AFF3: variants seen among roughly 807,000 people sequenced by gnomAD.
AFF3 encodes the protein AF4/FMR2 family member 3.
AFF3 carries 32 observed loss-of-function variants against 129.7 expected under a neutral mutation model. That is an observed-to-expected ratio of 0.25 (90% CI 0.19 to 0.33). AFF3 has a LOEUF of 0.33. Among genes scored for constraint, AFF3 ranks in the 10% least tolerant of loss-of-function variants. The probability of loss-of-function intolerance (pLI) is 1.00; values close to 1 mark genes in which losing one functional copy is unlikely to be tolerated. For synonymous variants in AFF3, 644 were observed against 635.4 expected, an observed-to-expected ratio of 1.01 and a Z score of -0.20; for missense variants, 1,373 against 1,592.0, an observed-to-expected ratio of 0.86 and a Z score of 2.34.
chr2:99,741,739 CA>C (rs1558805480), intron 10 of AFF3, among the ~76,000 whole-genome samples: 1 of 151,752 alleles, frequency 6.6e-6, no homozygotes, highest in South Asian at 2.1e-4. Flanking sequence ...CATATGGAAC[CA>C]AAAAAGAGCC....
At chr2:99,723,204 T>C (rs1679063616) in intron 11 of AFF3, among the ~76,000 whole-genome samples, 1 of 152,202 alleles carries the variant, frequency 6.6e-6, no homozygotes, top group Non-Finnish European at 1.5e-5. Context: ...TTGCCCTGAA[T>C]GCTCATAGGA....
intron 8 of AFF3, among the ~76,000 whole-genome samples, chr2:99,816,577 A>G (rs1469756606): frequency 2.0e-5 from 3 of 152,130 alleles, no homozygotes; most frequent in African/African-American, 7.2e-5. Flanking sequence ...CTGCTTGGCT[A>G]TGAGTGTCCC....
In AFF3 at chr2:99,550,951, A is replaced by C; in HGVS notation, c.*523T>G. 2 of 325,668 alleles carry C rather than the reference A, an allele frequency of 6.1e-6. No homozygotes were observed. The highest frequency in any genetic ancestry group is 1.1e-5 in the Non-Finnish European group (2 of 179,948). The allele number at this position is 325,668 out of a possible 1,614,324, so 20.2% of individuals were successfully genotyped here. A position where few individuals can be genotyped will look rare whatever the true frequency, so the allele number is the denominator to read the frequency against. On this transcript the variant is annotated 3_prime_UTR_variant, in exon 25 of 25. Transcript: ENST00000672756. The stretch of plus-strand genomic sequence containing the variant: ...CCCATTAATACATACCAATCAAAAA[A>C]TAATTGGGGAATAGTATATTAATAC...
intron 7 of AFF3, among the ~76,000 whole-genome samples, chr2:99,955,455 C>T (rs1319012476): frequency 1.3e-5 from 2 of 152,110 alleles, no homozygotes; most frequent in Non-Finnish European, 2.9e-5. Context: ...GATTGTTTAA[C>T]ATCTTAACAA....
chr2:99,631,847 A>C (rs766703664), intron 13 of AFF3, among the ~76,000 whole-genome samples: 2 of 152,086 alleles, frequency 1.3e-5, no homozygotes, highest in Non-Finnish European at 2.9e-5. Flanking sequence ...CTCTGCTTTC[A>C]ATTCTTTTGG....
intron 7 of AFF3, among the ~76,000 whole-genome samples, chr2:99,851,972 T>G (rs1167846465): frequency 6.6e-6 from 1 of 152,154 alleles, no homozygotes; most frequent in Non-Finnish European, 1.5e-5. Context: ...AGACCTTTAA[T>G]GCAGGTCACG....
chr2:99,975,396 T>A (rs1408878744), intron 7 of AFF3, among the ~76,000 whole-genome samples: 1 of 152,226 alleles, frequency 6.6e-6, no homozygotes, highest in Non-Finnish European at 1.5e-5. Context: ...TACCTGCTTA[T>A]GAAATACTAA....
chr2:99,944,148 G>A (rs965443472), intron 7 of AFF3, among the ~76,000 whole-genome samples: 7 of 152,132 alleles, frequency 4.6e-5, no homozygotes, highest in Middle Eastern at 3.4e-3. Context: ...CCATCCTCCC[G>A]CCTCCGCTTC....
chr2:99,938,396 C>CA, intron 7 of AFF3, among the ~76,000 whole-genome samples: 1 of 152,104 alleles, frequency 6.6e-6, no homozygotes, highest in Admixed American at 6.5e-5. Context: ...TGAGTTAATA[C>CA]ATGTCAGGTG....
At chr2:99,690,219 C>G (rs919238664) in intron 11 of AFF3, among the ~76,000 whole-genome samples, 1 of 145,786 alleles carries the variant, frequency 6.9e-6, no homozygotes, top group African/African-American at 2.5e-5. Context: ...CTCGCTCTGT[C>G]GCCCAGGCTG....
chr2:99,683,400 T>C (rs1172040051), intron 11 of AFF3, among the ~76,000 whole-genome samples: 2 of 152,220 alleles, frequency 1.3e-5, no homozygotes, highest in Non-Finnish European at 2.9e-5. Context: ...ACCCATTCCA[T>C]CTCGTGACAA....
At chr2:100,129,515 G>A (rs1422409250) in intron 1 of AFF3, among the ~76,000 whole-genome samples, 1 of 151,942 alleles carries the variant, frequency 6.6e-6, no homozygotes, top group Non-Finnish European at 1.5e-5. Flanking sequence ...AGGGGCCTGT[G>A]TTACATGCAT....
At chr2:99,767,739 C>T (rs1156569302) in intron 8 of AFF3, among the ~76,000 whole-genome samples, 4 of 152,176 alleles carry the variant, frequency 2.6e-5, no homozygotes, top group African/African-American at 7.2e-5. Flanking sequence ...GGGCGGATCA[C>T]GAGGTCAGGA....
chr2:99,947,317 C>A (rs1159854220), intron 7 of AFF3, among the ~76,000 whole-genome samples: 2 of 152,024 alleles, frequency 1.3e-5, no homozygotes, highest in Admixed American at 1.3e-4. Flanking sequence ...GTCACAGACA[C>A]CTGTAATCCC....
At chr2:100,000,320 G>C (rs908123294) in intron 7 of AFF3, among the ~76,000 whole-genome samples, 1 of 151,972 alleles carries the variant, frequency 6.6e-6, no homozygotes, top group Non-Finnish European at 1.5e-5. Flanking sequence ...AAACAAATAC[G>C]CAGAAAAAGA....
At chr2:100,071,635 C>T (rs548836546) in intron 4 of AFF3, among the ~76,000 whole-genome samples, 1 of 152,270 alleles carries the variant, frequency 6.6e-6, no homozygotes, top group African/African-American at 2.4e-5. Flanking sequence ...GTATTAGTGT[C>T]TTCTTTTAAA....
chr2:99,930,914 A>G (rs1696628815), intron 7 of AFF3, among the ~76,000 whole-genome samples: 1 of 152,234 alleles, frequency 6.6e-6, no homozygotes, highest in African/African-American at 2.4e-5. Context: ...AGTCACACTT[A>G]CAATGGCTCT....
chr2:99,821,378 A>G (rs766838074), intron 8 of AFF3, among the ~76,000 whole-genome samples: 4 of 152,162 alleles, frequency 2.6e-5, no homozygotes, highest in African/African-American at 7.2e-5. Context: ...GGGGTATCCA[A>G]TGTTTTGGCT....
intron 22 of AFF3, 39 bp downstream of exon 22, chr2:99,558,836 G>C: frequency 6.3e-7 from 1 of 1,592,608 alleles, no homozygotes; most frequent in Non-Finnish European, 8.6e-7. Context: ...GGAGACAAGT[G>C]AAATTAAGGA....
Sources: allele counts gnomAD v4.1 joint callset (sites outside exome capture counted in the v4.1 genomes callset), GRCh38; gene constraint gnomAD v4.1.1; transcripts MANE v1.5; gene names NCBI Gene and HGNC (gene_info 2026-07-23, HGNC 2026-07-21).